OXR1: variants seen among roughly 807,000 people sequenced by gnomAD.
OXR1 encodes the protein oxidation resistance protein 1.
Under a neutral mutation model 104.6 loss-of-function variants are expected in OXR1, and 41 were observed. The observed-to-expected ratio is 0.39, with a 90% CI of 0.31 to 0.51. The LOEUF (loss-of-function observed/expected upper bound fraction) is 0.51. Ranked by LOEUF, OXR1 falls within the 20% of genes least tolerant of loss-of-function variation. The pLI is 0.77. For missense variants in OXR1, 955 were observed against 1,031.9 expected (o/e 0.93, Z 1.02); for synonymous variants, 348 against 348.4 (o/e 1.00, Z 0.01).
chr8:106,580,772 T>A (rs1818170650), intron 3 of OXR1, among the ~76,000 whole-genome samples: 2 of 152,324 alleles, frequency 1.3e-5, no homozygotes, highest in South Asian at 2.1e-4. Flanking sequence ...TTTTCTTTTT[T>A]TAATGATGCA....
chr8:106,552,929 A>G (rs1815961288), intron 3 of OXR1, among the ~76,000 whole-genome samples: 1 of 152,162 alleles, frequency 6.6e-6, no homozygotes, highest in Non-Finnish European at 1.5e-5. Flanking sequence ...TGTCTCTCCA[A>G]ATAAATAATA....
intron 8 of OXR1, among the ~76,000 whole-genome samples, chr8:106,706,130 T>G (rs1179257789): frequency 6.6e-6 from 1 of 152,178 alleles, no homozygotes; most frequent in Non-Finnish European, 1.5e-5. Flanking sequence ...AATCTTACTT[T>G]GATATTTCCT....
intron 2 of OXR1, among the ~76,000 whole-genome samples, chr8:106,478,379 G>C (rs1042889639): frequency 6.6e-6 from 1 of 151,694 alleles, no homozygotes; most frequent in Non-Finnish European, 1.5e-5. Flanking sequence ...ACTTTTTATT[G>C]TATTATATAT....
At chr8:106,453,081 T>G (rs367725097) in intron 2 of OXR1, among the ~76,000 whole-genome samples, 9 of 152,184 alleles carry the variant, frequency 5.9e-5, no homozygotes, top group African/African-American at 2.2e-4. Context: ...CGTAGAAGAA[T>G]GTACAATGAC....
chr8:106,429,202 C>T (rs1474494007), intron 2 of OXR1, among the ~76,000 whole-genome samples: 1 of 152,086 alleles, frequency 6.6e-6, no homozygotes, highest in African/African-American at 2.4e-5. Flanking sequence ...GAAATTCGTT[C>T]TCAGTGGCTG....
At chr8:106,496,812 G>A (rs1811444546) in intron 2 of OXR1, among the ~76,000 whole-genome samples, 1 of 152,206 alleles carries the variant, frequency 6.6e-6, no homozygotes, top group South Asian at 2.1e-4. Context: ...CTTGCTTGCA[G>A]CAGGCACAGA....
intron 3 of OXR1, among the ~76,000 whole-genome samples, chr8:106,583,292 A>G (rs1032870522): frequency 1.3e-5 from 2 of 152,212 alleles, no homozygotes; most frequent in Non-Finnish European, 2.9e-5. Context: ...ACTTCAAGCT[A>G]AATTACAAAT....
intron 3 of OXR1, among the ~76,000 whole-genome samples, chr8:106,602,683 A>G (rs1212117621): frequency 6.6e-6 from 1 of 152,186 alleles, no homozygotes; most frequent in East Asian, 1.9e-4. Flanking sequence ...GTGTATATAT[A>G]CATGTATATA....
intron 14 of OXR1, among the ~76,000 whole-genome samples, chr8:106,741,791 G>A (rs188745528): frequency 6.6e-6 from 1 of 152,166 alleles, no homozygotes; most frequent in African/African-American, 2.4e-5. Context: ...GGAATTTACT[G>A]TATAATGATA....
At chr8:106,579,543 G>A (rs1386964911) in intron 3 of OXR1, among the ~76,000 whole-genome samples, 1 of 152,196 alleles carries the variant, frequency 6.6e-6, no homozygotes, top group Non-Finnish European at 1.5e-5. Context: ...TTGGGACTGA[G>A]CTTGCTGGCT....
Position 106,363,032 on chromosome 8 carries a change from A to G in OXR1, c.23+3396A>G, listed in dbSNP as rs930975596. Among the ~76,000 whole-genome samples, 9 of 152,346 alleles carry G rather than the reference A, an allele frequency of 5.9e-5. 1 individual carries two copies. The highest frequency in any genetic ancestry group is 2.2e-4 in the African/African-American group (9 of 41,578). On this transcript the variant is annotated intron_variant, in intron 2 of 16. Transcript: ENST00000517566. ...TGCACACACTTTAATTTTGGTCCCC[A>G]AATCTGTTAAAGACTGGACAGCATC...
chr8:106,513,521 G>A (rs1354165705), intron 2 of OXR1, among the ~76,000 whole-genome samples: 1 of 152,068 alleles, frequency 6.6e-6, no homozygotes, highest in Admixed American at 6.6e-5. Context: ...CCACATAAGG[G>A]ACTTGTATTC....
At chr8:106,680,611 G>A (rs1828054895) in intron 4 of OXR1, among the ~76,000 whole-genome samples, 1 of 151,930 alleles carries the variant, frequency 6.6e-6, no homozygotes, top group Admixed American at 6.6e-5. Flanking sequence ...GCTTTGCTGG[G>A]TGTTTGCCTC....
rs773363686 is a variant in OXR1 at position 106,702,916 on chromosome 8, G to A, written c.686G>A (p.Ser229Asn). The change falls in exon 8 of 17, where the codon AGT becomes AAT. Residue 229 changes from serine (S) to asparagine (N), a missense_variant. Transcript: ENST00000517566. ...KYITSGKGTVSGVLLVTPNNI... is the reference protein window; with the variant it reads ...KYITSGKGTVNGVLLVTPNNI... The stretch of plus-strand genomic sequence containing the variant: ...CTTTTTTCACCTTAGGGCACAGTCA[G>A]TGGTGTGCTGCTAGTTACACCAAAT... 2 of 1,612,582 alleles carry A rather than the reference G, an allele frequency of 1.2e-6. No individual in the cohort carries two copies. The highest frequency in any genetic ancestry group is 2.2e-5 in the South Asian group (2 of 90,986).
At chr8:106,656,551 C>T (rs1345483300) in intron 3 of OXR1, among the ~76,000 whole-genome samples, 1 of 152,196 alleles carries the variant, frequency 6.6e-6, no homozygotes, top group East Asian at 1.9e-4. Context: ...ACTGCAACAT[C>T]TACAAAATAG....
intron 2 of OXR1, among the ~76,000 whole-genome samples, chr8:106,377,142 G>C (rs1214359114): frequency 6.6e-6 from 1 of 152,074 alleles, no homozygotes; most frequent in Non-Finnish European, 1.5e-5. Flanking sequence ...TCAAACTATA[G>C]GTTATTTCAG....
intron 2 of OXR1, among the ~76,000 whole-genome samples, chr8:106,489,721 A>G (rs1315864671): frequency 1.3e-5 from 2 of 152,024 alleles, no homozygotes; most frequent in Admixed American, 1.3e-4. Flanking sequence ...AGTCTTCTGT[A>G]CTTATCATGT....
chr8:106,663,574 A>C (rs999361719), intron 3 of OXR1, among the ~76,000 whole-genome samples: 2 of 152,180 alleles, frequency 1.3e-5, no homozygotes, highest in African/African-American at 4.8e-5. Context: ...AGGAGGACCA[A>C]GTGCCTCTAA....
At chr8:106,485,745 G>A (rs1255068634) in intron 2 of OXR1, among the ~76,000 whole-genome samples, 1 of 152,150 alleles carries the variant, frequency 6.6e-6, no homozygotes, top group African/African-American at 2.4e-5. Flanking sequence ...AGAAAATGAG[G>A]TATATATACA....
Sources: gnomAD v4.1 joint callset for allele counts (sites outside exome capture counted in the v4.1 genomes callset) on GRCh38, gnomAD v4.1.1 for gene constraint, MANE v1.5 for transcripts, NCBI Gene and HGNC (gene_info 2026-07-23, HGNC 2026-07-21) for gene names.